L3MBTL4: variants seen among roughly 807,000 people sequenced by gnomAD.
The protein encoded by L3MBTL4 is L3MBTL histone methyl-lysine binding protein 4.
Under a neutral mutation model 84.5 loss-of-function variants are expected in L3MBTL4, and 70 were observed. That is an observed-to-expected ratio of 0.83 (90% confidence interval 0.68 to 1.01). L3MBTL4 has a LOEUF of 1.01. Among genes scored for constraint, L3MBTL4 ranks in the 50% least tolerant of loss-of-function variants. The pLI is 0.00. For missense variants in L3MBTL4, 715 were observed against 754.8 expected (o/e 0.95, Z 0.62); for synonymous variants, 274 against 259.8 (o/e 1.05, Z -0.52).
At chr18:6,026,852 A>G (rs1834513967) in intron 16 of L3MBTL4, among the ~76,000 whole-genome samples, 1 of 152,182 alleles carries the variant, frequency 6.6e-6, no homozygotes, top group Non-Finnish European at 1.5e-5. Context: ...CAAAGGTCAC[A>G]TAACGAATTG....
At chr18:6,037,073 C>T (rs2056175306) in intron 16 of L3MBTL4, among the ~76,000 whole-genome samples, 1 of 152,190 alleles carries the variant, frequency 6.6e-6, no homozygotes, top group African/African-American at 2.4e-5. Flanking sequence ...GGAGATGTGA[C>T]AACAATGCTC....
chr18:6,217,919 C>G (rs921031949), intron 10 of L3MBTL4, among the ~76,000 whole-genome samples: 4 of 152,188 alleles, frequency 2.6e-5, no homozygotes, highest in Non-Finnish European at 4.4e-5. Context: ...CTATTTTAAT[C>G]ACTTTCTAAA....
chr18:5,975,393 C>T (rs2052864743), intron 16 of L3MBTL4, among the ~76,000 whole-genome samples: 2 of 152,226 alleles, frequency 1.3e-5, no homozygotes, highest in Admixed American at 6.5e-5. Flanking sequence ...TGATTGCTCT[C>T]ACCCACTGTG....
At chr18:6,058,705 G>C (rs1325339443) in intron 16 of L3MBTL4, among the ~76,000 whole-genome samples, 1 of 152,130 alleles carries the variant, frequency 6.6e-6, no homozygotes. Flanking sequence ...GAATAAAGGA[G>C]AGAACTGCTT....
intron 16 of L3MBTL4, among the ~76,000 whole-genome samples, chr18:6,067,371 C>T (rs2057437520): frequency 1.3e-5 from 2 of 152,208 alleles, no homozygotes; most frequent in Non-Finnish European, 2.9e-5. Context: ...AAGTTTTCCT[C>T]AATTATTCCC....
At chr18:6,287,766 G>A (rs1157149214) in intron 4 of L3MBTL4, among the ~76,000 whole-genome samples, 2 of 152,154 alleles carry the variant, frequency 1.3e-5, no homozygotes, top group Admixed American at 1.3e-4. Flanking sequence ...TGCCAATACA[G>A]GATATTGGTA....
chr18:6,095,650 G>A (rs2058617186), intron 14 of L3MBTL4, among the ~76,000 whole-genome samples: 2 of 152,048 alleles, frequency 1.3e-5, no homozygotes, highest in Non-Finnish European at 2.9e-5. Flanking sequence ...GCACCCGGCC[G>A]GGGACATGGT....
intron 4 of L3MBTL4, among the ~76,000 whole-genome samples, chr18:6,292,109 A>C (rs1448415236): frequency 6.6e-6 from 1 of 152,216 alleles, no homozygotes; most frequent in East Asian, 1.9e-4. Flanking sequence ...CAATCTATTA[A>C]ATTATCACAT....
intron 1 of L3MBTL4, among the ~76,000 whole-genome samples, chr18:6,358,372 C>T (rs2053536848): frequency 6.6e-6 from 1 of 152,192 alleles, no homozygotes; most frequent in Admixed American, 6.5e-5. Context: ...CTCAGGGATA[C>T]AGCCCTGGGC....
chr18:6,082,828 A>T (rs948666439), intron 15 of L3MBTL4, among the ~76,000 whole-genome samples: 2 of 152,198 alleles, frequency 1.3e-5, no homozygotes, highest in African/African-American at 4.8e-5. Context: ...TCAAATGATT[A>T]CATCAGTAGA....
At chr18:6,044,986 A>T (rs1465512848) in intron 16 of L3MBTL4, among the ~76,000 whole-genome samples, 1 of 152,252 alleles carries the variant, frequency 6.6e-6, no homozygotes, top group East Asian at 1.9e-4. Context: ...CAACAGTTCT[A>T]GCTGACAACC....
intron 4 of L3MBTL4, among the ~76,000 whole-genome samples, chr18:6,297,544 A>G (rs143551882): frequency 6.6e-6 from 1 of 152,344 alleles, no homozygotes; most frequent in East Asian, 1.9e-4. Flanking sequence ...TTTTCCAAAA[A>G]TAAAAGTTTA....
intron 14 of L3MBTL4, among the ~76,000 whole-genome samples, chr18:6,118,928 G>GT (rs886572121): frequency 4.7e-5 from 7 of 149,346 alleles, no homozygotes; most frequent in Admixed American, 4.7e-4. Flanking sequence ...TCACATCAAG[G>GT]TAAAATTACA....
chr18:6,084,390 A>C (rs927538290), intron 15 of L3MBTL4, among the ~76,000 whole-genome samples: 1 of 152,182 alleles, frequency 6.6e-6, no homozygotes, highest in African/African-American at 2.4e-5. Context: ...TTTACAAAAA[A>C]TAAGCTATCT....
intron 12 of L3MBTL4, among the ~76,000 whole-genome samples, chr18:6,203,396 T>TGA (rs1336335452): frequency 1.3e-5 from 2 of 152,194 alleles, no homozygotes; most frequent in Non-Finnish European, 1.5e-5. Flanking sequence ...ACCTGAAGTT[T>TGA]ATTCCAAAAT....
At chr18:6,060,038 CA>C (rs2057154570) in intron 16 of L3MBTL4, among the ~76,000 whole-genome samples, 1 of 152,264 alleles carries the variant, frequency 6.6e-6, no homozygotes, top group East Asian at 1.9e-4. Flanking sequence ...TTATCAATAA[CA>C]GATGCAATAT....
intron 1 of L3MBTL4, among the ~76,000 whole-genome samples, chr18:6,343,745 G>A (rs2052730958): frequency 6.7e-6 from 1 of 150,126 alleles, no homozygotes; most frequent in African/African-American, 2.5e-5. Context: ...TCAATAACAA[G>A]AGGAAAATTG....
At chr18:6,011,970 C>T (rs1443148566) in intron 16 of L3MBTL4, among the ~76,000 whole-genome samples, 1 of 152,230 alleles carries the variant, frequency 6.6e-6, no homozygotes, top group Non-Finnish European at 1.5e-5. Flanking sequence ...GTAAACTTTG[C>T]TTCTGGACAG....
At chr18:6,127,748 G>A (rs910126318) in intron 14 of L3MBTL4, among the ~76,000 whole-genome samples, 6 of 152,124 alleles carry the variant, frequency 3.9e-5, no homozygotes, top group African/African-American at 1.4e-4. Flanking sequence ...GTTTGGAACC[G>A]TCTTCTTTTT....
Sources: allele counts gnomAD v4.1 joint callset (sites outside exome capture counted in the v4.1 genomes callset), GRCh38; gene constraint gnomAD v4.1.1; transcripts MANE v1.5; gene names NCBI Gene and HGNC (gene_info 2026-07-23, HGNC 2026-07-21).